SETBP1: variants seen among roughly 807,000 people sequenced by gnomAD.
SETBP1 encodes the protein SET binding protein 1, also known as SET-binding protein.
Under a neutral mutation model 101.0 loss-of-function variants are expected in SETBP1, and 9 were observed. The ratio of observed to expected loss-of-function variants is 0.09; its 90% CI spans 0.05 to 0.16. The LOEUF (loss-of-function observed/expected upper bound fraction) is 0.16, where lower values mean the gene tolerates loss of function less well. Ranked by LOEUF, SETBP1 falls within the 10% of genes least tolerant of loss-of-function variation. The probability of loss-of-function intolerance (pLI) is 1.00; values close to 1 mark genes in which losing one functional copy is unlikely to be tolerated. For missense variants in SETBP1, 1,858 were observed against 2,033.8 expected (o/e 0.91, Z 1.66); for synonymous variants, 818 against 788.5 (o/e 1.04, Z -0.63).
chr18:44,962,283 G>A (rs1205408742), intron 4 of SETBP1, among the ~76,000 whole-genome samples: 1 of 152,174 alleles, frequency 6.6e-6, no homozygotes, highest in African/African-American at 2.4e-5. Context: ...CCAGCAGCAT[G>A]AGTGAAGATA....
intron 2 of SETBP1, among the ~76,000 whole-genome samples, chr18:44,807,090 G>A (rs2071759829): frequency 1.3e-5 from 2 of 152,080 alleles, no homozygotes; most frequent in African/African-American, 4.8e-5. Context: ...GCTCTGGAAG[G>A]TAACAGTGGG....
chr18:44,793,080 G>T (rs2071400942), intron 2 of SETBP1, among the ~76,000 whole-genome samples: 1 of 152,182 alleles, frequency 6.6e-6, no homozygotes, highest in Non-Finnish European at 1.5e-5. Flanking sequence ...TGGGATAAGA[G>T]AAAAAGCAGA....
chr18:45,014,988 A>G (rs1441696481), intron 4 of SETBP1, among the ~76,000 whole-genome samples: 1 of 152,234 alleles, frequency 6.6e-6, no homozygotes, highest in Non-Finnish European at 1.5e-5. Flanking sequence ...TGCTTCAAAC[A>G]GCCAGTGGGG....
At chr18:44,692,640 T>G (rs903855775) in intron 1 of SETBP1, among the ~76,000 whole-genome samples, 9 of 152,108 alleles carry the variant, frequency 5.9e-5, no homozygotes, top group Non-Finnish European at 1.3e-4. Context: ...GAGAGCAGAA[T>G]GACCAGGGAA....
intron 1 of SETBP1, among the ~76,000 whole-genome samples, chr18:44,695,341 A>T (rs2068997252): frequency 6.6e-6 from 1 of 152,208 alleles, no homozygotes; most frequent in Non-Finnish European, 1.5e-5. Flanking sequence ...ATGTTCCAGG[A>T]AAATTAAAGG....
chr18:44,995,529 TTG>T (rs60256060), intron 4 of SETBP1, among the ~76,000 whole-genome samples: 35,182 of 142,676 alleles, frequency 0.25, 4,618 homozygotes, highest in East Asian at 0.56. Context: ...GTCCAGGCTT[TTG>T]TGTGTGTGTG....
intron 4 of SETBP1, chr18:44,988,124 G>A (rs1346342760): frequency 6.6e-6 from 1 of 152,108 alleles, no homozygotes; most frequent in East Asian, 1.9e-4. Context: ...ACATTCATAC[G>A]ATTTGGAAAA....
intron 4 of SETBP1, among the ~76,000 whole-genome samples, chr18:44,983,391 C>G (rs900218659): frequency 3.3e-5 from 5 of 152,054 alleles, no homozygotes; most frequent in African/African-American, 1.2e-4. Context: ...TTCCACCAAC[C>G]AGCTCTAAGA....
At chr18:44,834,417 A>T (rs1220656009) in intron 2 of SETBP1, among the ~76,000 whole-genome samples, 1 of 152,202 alleles carries the variant, frequency 6.6e-6, no homozygotes, top group East Asian at 1.9e-4. Context: ...GACAGTATAG[A>T]TTATAAAACG....
intron 2 of SETBP1, among the ~76,000 whole-genome samples, chr18:44,829,008 T>C (rs778736047): frequency 2.0e-5 from 3 of 152,234 alleles, no homozygotes; most frequent in South Asian, 2.1e-4. Flanking sequence ...GGTATTTTGT[T>C]AAGTAGCTCA....
chr18:44,893,552 C>A (rs1269736759), intron 3 of SETBP1, among the ~76,000 whole-genome samples: 4 of 152,144 alleles, frequency 2.6e-5, no homozygotes, highest in Non-Finnish European at 5.9e-5. Context: ...GCTGATAGAT[C>A]AATGTTCTCT....
chr18:45,050,651 C>T (rs1291232737), intron 5 of SETBP1, among the ~76,000 whole-genome samples: 2 of 152,136 alleles, frequency 1.3e-5, no homozygotes, highest in South Asian at 4.1e-4. Context: ...AGGAACTGAT[C>T]GAAGGAATGG....
intron 3 of SETBP1, among the ~76,000 whole-genome samples, chr18:44,902,951 T>TA (rs1028825267): frequency 2.0e-5 from 3 of 152,024 alleles, no homozygotes; most frequent in African/African-American, 7.2e-5. Flanking sequence ...AATATTTTTT[T>TA]AAAAAATAAT....
chr18:44,994,284 A>G (rs1304237927), intron 4 of SETBP1, among the ~76,000 whole-genome samples: 3 of 152,210 alleles, frequency 2.0e-5, no homozygotes, highest in Admixed American at 6.5e-5. Context: ...TAATCAGATT[A>G]TAGGATTACT....
chr18:45,045,442 G>A (rs556416147), intron 5 of SETBP1, among the ~76,000 whole-genome samples: 2 of 152,244 alleles, frequency 1.3e-5, no homozygotes, highest in South Asian at 4.1e-4. Context: ...CCTCCAAAAA[G>A]AAGCTGGCAG....
chr18:44,743,163 T>C (rs951794226), intron 2 of SETBP1, among the ~76,000 whole-genome samples: 4 of 151,906 alleles, frequency 2.6e-5, no homozygotes, highest in Non-Finnish European at 4.4e-5. Context: ...CTCTCTCTCT[T>C]TCTCTTTTTG....
chr18:44,719,041 G>T (rs1486485435), intron 2 of SETBP1, among the ~76,000 whole-genome samples: 1 of 152,132 alleles, frequency 6.6e-6, no homozygotes, highest in African/African-American at 2.4e-5. Context: ...AAGACACATG[G>T]GGTTTTATGG....
At chr18:44,924,858 A>G (rs531637266) in intron 3 of SETBP1, among the ~76,000 whole-genome samples, 16 of 152,234 alleles carry the variant, frequency 1.1e-4, no homozygotes, top group African/African-American at 3.6e-4. Context: ...GTGGCATCAA[A>G]TGTGTTCCCA....
chr18:44,686,250 C>CT (rs1257919966), intron 1 of SETBP1, among the ~76,000 whole-genome samples: 1 of 152,250 alleles, frequency 6.6e-6, no homozygotes, highest in East Asian at 1.9e-4. Context: ...TTTGCCCTGC[C>CT]TGGCAGCCTG....
Sources: allele counts gnomAD v4.1 joint callset (sites outside exome capture counted in the v4.1 genomes callset), GRCh38; gene constraint gnomAD v4.1.1; transcripts MANE v1.5; gene names NCBI Gene and HGNC (gene_info 2026-07-23, HGNC 2026-07-21).